The following MTMR9 variants were observed in gnomAD, a reference collection of about 807,000 sequenced individuals.
MTMR9 encodes myotubularin-related protein 9.
A neutral mutation model predicts 69.5 loss-of-function variants in MTMR9; 39 were observed. The ratio of observed to expected loss-of-function variants is 0.56; its 90% CI spans 0.43 to 0.73. The LOEUF (loss-of-function observed/expected upper bound fraction) is 0.73. Among genes scored for constraint, MTMR9 ranks in the 30% least tolerant of loss-of-function variants. The pLI is 0.00. For synonymous variants in MTMR9, 354 were observed against 240.8 expected (o/e 1.47, Z -4.35); for missense variants, 900 against 671.2 (o/e 1.34, Z -3.77).
chr8:11,293,027 A>G (rs1008326133), intron 1 of MTMR9, among the ~76,000 whole-genome samples: 1 of 152,260 alleles, frequency 6.6e-6, no homozygotes, highest in African/African-American at 2.4e-5. Flanking sequence ...ACTGTAAAAC[A>G]GCCTCAGGCA....
At chr8:11,321,805 C>T (rs1375384248) in intron 9 of MTMR9, among the ~76,000 whole-genome samples, 1 of 152,176 alleles carries the variant, frequency 6.6e-6, no homozygotes, top group African/African-American at 2.4e-5. Flanking sequence ...CTTTCTGATA[C>T]AGCCTGATGT....
chr8:11,291,118 T>C (rs1380405648), intron 1 of MTMR9, among the ~76,000 whole-genome samples: 1 of 152,150 alleles, frequency 6.6e-6, no homozygotes, highest in East Asian at 1.9e-4. Flanking sequence ...TGCAGTACTA[T>C]TAACTAGACC....
At chr8:11,319,442 G>C in intron 8 of MTMR9, 1 of 481,036 alleles carries the variant, frequency 2.1e-6, no homozygotes, top group Non-Finnish European at 3.7e-6. Flanking sequence ...ACCAGATTCT[G>C]TTTTTATCCT....
intron 5 of MTMR9, among the ~76,000 whole-genome samples, chr8:11,309,037 C>G (rs1800082628): frequency 6.6e-6 from 1 of 152,190 alleles, no homozygotes; most frequent in Non-Finnish European, 1.5e-5. Flanking sequence ...CGCACAGTTT[C>G]CTCCACCTAT....
At chr8:11,294,566 G>T (rs4532565) in intron 1 of MTMR9, among the ~76,000 whole-genome samples, 25,334 of 143,178 alleles carry the variant, frequency 0.18, 2,857 homozygotes, top group African/African-American at 0.33. Flanking sequence ...CAGTGGCTCA[G>T]ACTCGGCTCA....
At chr8:11,314,472 C>T (rs1800329973) in intron 6 of MTMR9, among the ~76,000 whole-genome samples, 1 of 152,162 alleles carries the variant, frequency 6.6e-6, no homozygotes, top group South Asian at 2.1e-4. Context: ...TCCTTATAGT[C>T]AGCTGATGGT....
At chr8:11,311,883 T>C (rs918177970) in intron 6 of MTMR9, among the ~76,000 whole-genome samples, 2 of 96,456 alleles carry the variant, frequency 2.1e-5, no homozygotes, top group Non-Finnish European at 4.0e-5. Context: ...TTCTAAATCT[T>C]TTTTTTTTTT....
At position 11,300,033 on chromosome 8, in the gene MTMR9, C is replaced by T. The variant is rs1394565006; in HGVS notation, c.302C>T (p.Thr101Ile). The T allele has an allele frequency of 6.2e-7, 1 of 1,613,074 alleles. No individual in the cohort carries two copies. Among genetic ancestry groups the T allele is most frequent in the Non-Finnish European group, 8.5e-7 (1 of 1,179,364 alleles). The change falls in exon 3 of 10, where the codon ACT becomes ATT. Residue 101 changes from threonine (T) to isoleucine (I), a missense_variant. Thr to Ile is a moderately conservative substitution (Grantham distance 89). Coordinates refer to ENST00000221086, the MANE Select transcript of MTMR9 (RefSeq NM_015458.4). ...TCTTTTTGCCCCCAGGCATTGTCTA[C>T]TCTGGACTCCATCACTCTGATGTAC... ...NIASSIEALSTLDSITLMYPF... is the reference protein window; with the variant it reads ...NIASSIEALSILDSITLMYPF...
chr8:11,309,142 T>C (rs1298537102), intron 5 of MTMR9, among the ~76,000 whole-genome samples: 1 of 151,956 alleles, frequency 6.6e-6, no homozygotes, highest in Non-Finnish European at 1.5e-5. Flanking sequence ...CCAAGCTGGG[T>C]TGGGTAAGGC....
downstream of MTMR9, among the ~76,000 whole-genome samples, chr8:11,328,822 C>G (rs924996556): frequency 6.6e-6 from 1 of 152,176 alleles, no homozygotes; most frequent in Non-Finnish European, 1.5e-5. Context: ...AGTAATGGGA[C>G]ATATCAACAT....
chr8:11,328,453 C>G (rs957535317), downstream of MTMR9, among the ~76,000 whole-genome samples: 1 of 151,910 alleles, frequency 6.6e-6, no homozygotes, highest in East Asian at 1.9e-4. Context: ...TCACAGGAAT[C>G]TCCCAAGAAT....
downstream of MTMR9, among the ~76,000 whole-genome samples, chr8:11,328,853 C>T (rs1476264430): frequency 2.0e-5 from 3 of 152,172 alleles, no homozygotes; most frequent in Non-Finnish European, 4.4e-5. Context: ...CTGATATGAT[C>T]CATCCAGAAA....
At chr8:11,332,337 A>G (rs1046806589), downstream of MTMR9, 1 of 875,514 alleles carries the variant, frequency 1.1e-6, no homozygotes, top group Non-Finnish European at 1.6e-6. Flanking sequence ...GCTTATTTAC[A>G]GGAATAAAAT....
chr8:11,338,404 G>T, the MTMR9 span, among the ~76,000 whole-genome samples: 1 of 152,210 alleles, frequency 6.6e-6, no homozygotes, highest in South Asian at 2.1e-4. Flanking sequence ...TTTGTAGGCT[G>T]GAGTTCGTTG....
Position 11,319,889 on chromosome 8 carries a change from C to T in MTMR9, c.1486+51C>T, listed in dbSNP as rs1276930851. Reference sequence around the variant, plus strand: ...TCTTAACGGTCAGGTGTGCATGCGGCTGCCTGTGAGTGTGTGCTGTTGGTG... The same window carrying T: ...TCTTAACGGTCAGGTGTGCATGCGGTTGCCTGTGAGTGTGTGCTGTTGGTG... On this transcript the variant is annotated intron_variant, in intron 9 of 9. Transcript: ENST00000221086. The T allele has an allele frequency of 5.6e-6, 9 of 1,595,270 alleles. No individual in the cohort carries two copies. The South Asian group carries it at 7.9e-5, about 14-fold the overall frequency.
intron 5 of MTMR9, 88 bp from the exon 6 acceptor site, chr8:11,309,439 A>G (rs988267404): frequency 2.6e-6 from 3 of 1,136,248 alleles, no homozygotes; most frequent in Non-Finnish European, 3.8e-6. Context: ...TTTTGCTCTT[A>G]GATATGTTGG....
intron 2 of MTMR9, among the ~76,000 whole-genome samples, chr8:11,296,053 T>G (rs1799547071): frequency 6.6e-6 from 1 of 151,950 alleles, no homozygotes; most frequent in Admixed American, 6.6e-5. Context: ...TCTAAAAATT[T>G]GAATAGAAAT....
At chr8:11,294,209 TA>T (rs1799469575) in intron 1 of MTMR9, among the ~76,000 whole-genome samples, 1 of 152,196 alleles carries the variant, frequency 6.6e-6, no homozygotes, top group African/African-American at 2.4e-5. Context: ...ACTTCTTTTT[TA>T]ATCCTTTTTT....
In MTMR9 at chr8:11,315,074, G is replaced by C; in HGVS notation, c.1113+10G>C. On this transcript the variant is annotated intron_variant, in intron 7 of 9. Coordinates refer to ENST00000221086, the MANE Select transcript of MTMR9 (RefSeq NM_015458.4). The stretch of plus-strand genomic sequence containing the variant: ...AAGAGAGTGGCTGCAGGTGAGAAGA[G>C]CTGTTTGATTCACAGAGGAACTGCT... 3.7e-6 allele frequency: 6 copies of C among 1,611,016 alleles called. No homozygotes were observed. The highest frequency in any genetic ancestry group is 5.1e-6 in the Non-Finnish European group (6 of 1,177,566).
Sources: allele counts gnomAD v4.1 joint callset (sites outside exome capture counted in the v4.1 genomes callset), GRCh38; gene constraint gnomAD v4.1.1; transcripts MANE v1.5; gene names NCBI Gene and HGNC (gene_info 2026-07-23, HGNC 2026-07-21).